The following CARD8 variants were observed in gnomAD, a reference collection of about 807,000 sequenced individuals.
CARD8 encodes the protein caspase recruitment domain-containing protein 8.
Under a neutral mutation model 53.2 loss-of-function variants are expected in CARD8, and 38 were observed. The observed-to-expected ratio is 0.71, with a 90% CI of 0.55 to 0.94. CARD8 has a LOEUF of 0.94. CARD8 is among the 40% of genes least tolerant of loss of function. The pLI, the probability that CARD8 is intolerant of heterozygous loss-of-function variation, is 0.00. For synonymous variants in CARD8, 245 were observed against 244.9 expected (o/e 1.00, Z 0.00); for missense variants, 561 against 655.5 (o/e 0.86, Z 1.57).
intron 3 of CARD8, among the ~76,000 whole-genome samples, chr19:48,245,334 C>T (rs2045933353): frequency 6.6e-6 from 1 of 152,126 alleles, no homozygotes; most frequent in Admixed American, 6.5e-5. Context: ...CTTAGCCTCC[C>T]AAGTAGCTGC....
intron 5 of CARD8, among the ~76,000 whole-genome samples, chr19:48,235,109 T>C (rs2043640452): frequency 6.6e-6 from 1 of 152,196 alleles, no homozygotes; most frequent in Non-Finnish European, 1.5e-5. Context: ...AAGAAAATTA[T>C]GGATATTGTA....
chr19:48,210,659 C>A lies in CARD8; in HGVS notation c.*1051G>T, dbSNP rs1328526486. On this transcript the variant is annotated 3_prime_UTR_variant, in exon 14 of 14. Coordinates refer to ENST00000651546, the MANE Select transcript of CARD8 (RefSeq NM_001184900.3). Reference sequence around the variant, plus strand: ...AGTAGAATAGAAAAGACATAACAAACTGGCTGACTGAGGATAAATCCTAAC... The same window carrying A: ...AGTAGAATAGAAAAGACATAACAAAATGGCTGACTGAGGATAAATCCTAAC... 1 of 152,050 alleles carries A rather than the reference C, an allele frequency of 6.6e-6. No homozygotes were observed. The allele number at this position is 152,050 out of a possible 1,614,324, so 9.4% of individuals were successfully genotyped here.
At chr19:48,232,942 T>G (rs1600444803) in intron 6 of CARD8, 1 of 372,702 alleles carries the variant, frequency 2.7e-6, no homozygotes, top group African/African-American at 2.1e-5. Context: ...ACAGCCAGAT[T>G]CTCTGGCTTA....
At chr19:48,215,671 A>T (rs1010808678) in intron 12 of CARD8, among the ~76,000 whole-genome samples, 2 of 152,244 alleles carry the variant, frequency 1.3e-5, no homozygotes, top group Non-Finnish European at 2.9e-5. Flanking sequence ...ACAGTGCTAC[A>T]TAAATTACAG....
At chr19:48,232,170 A>G (rs1005000969) in intron 7 of CARD8, 8 of 563,868 alleles carry the variant, frequency 1.4e-5, no homozygotes, top group African/African-American at 5.6e-5. Context: ...TCAGAAAAGT[A>G]TCGAACTCCA....
Position 48,230,647 on chromosome 19 carries a change from T to G in CARD8, c.826A>C (p.Met276Leu), listed in dbSNP as rs754710410. Residue 276 changes from methionine (M) to leucine (L), a missense_variant, in exon 10 of 14, where the codon ATG (methionine) becomes CTG (leucine). Met to Leu is a conservative substitution (Grantham distance 15, BLOSUM62 2). Coordinates refer to ENST00000651546, the MANE Select transcript of CARD8 (RefSeq NM_001184900.3). ...ACCCGGGCTGGATGCTCCAGGACCATCCCTTCATTCTTAAAATGGGCAACG... is the reference window on the plus strand; with the variant it reads ...ACCCGGGCTGGATGCTCCAGGACCAGCCCTTCATTCTTAAAATGGGCAACG... ...FLVAHFKNEGMVLEHPARVEP... is the reference protein window; with the variant it reads ...FLVAHFKNEGLVLEHPARVEP... The G allele has an allele frequency of 1.2e-5, 20 of 1,613,842 alleles. No individual in the cohort carries two copies. Among genetic ancestry groups the G allele is most frequent in the Non-Finnish European group, 1.6e-5 (19 of 1,179,978 alleles).
intron 10 of CARD8, among the ~76,000 whole-genome samples, chr19:48,224,132 T>C (rs2041265421): frequency 6.6e-6 from 1 of 152,222 alleles, no homozygotes; most frequent in Non-Finnish European, 1.5e-5. Context: ...CGGCTAATTT[T>C]TGTATTTTTA....
At chr19:48,241,976 C>T (rs537205956) in intron 3 of CARD8, among the ~76,000 whole-genome samples, 52 of 152,204 alleles carry the variant, frequency 3.4e-4, no homozygotes, top group African/African-American at 8.7e-4. Context: ...ACTCATTAAG[C>T]GGCACTCCCC....
intron 5 of CARD8, among the ~76,000 whole-genome samples, chr19:48,236,569 C>T (rs1398262270): frequency 3.3e-5 from 5 of 152,148 alleles, no homozygotes; most frequent in Non-Finnish European, 5.9e-5. Context: ...CCATGGTCCC[C>T]GGCGTGCAGC....
chr19:48,237,495 T>C (rs903674011), intron 5 of CARD8, among the ~76,000 whole-genome samples: 8 of 152,034 alleles, frequency 5.3e-5, no homozygotes, highest in African/African-American at 1.9e-4. Flanking sequence ...CATATCGCTA[T>C]TGTTACAGGA....
downstream of CARD8, among the ~76,000 whole-genome samples, chr19:48,204,984 A>G (rs2037290637): frequency 6.6e-6 from 1 of 152,232 alleles, no homozygotes; most frequent in Non-Finnish European, 1.5e-5. Flanking sequence ...ATTCAAATTT[A>G]GCTGGGCATC....
chr19:48,227,935 C>T (rs1202396616), intron 10 of CARD8, among the ~76,000 whole-genome samples: 2 of 151,888 alleles, frequency 1.3e-5, no homozygotes, highest in East Asian at 1.9e-4. Flanking sequence ...TGTTAGGAAT[C>T]GGGCTGCACA....
intron 10 of CARD8, 100 bp downstream of exon 10, chr19:48,230,338 T>C (rs560990777): frequency 2.3e-6 from 3 of 1,323,370 alleles, no homozygotes; most frequent in South Asian, 2.9e-5. Context: ...ATGAAAACCA[T>C]GCCTTGCCCT....
At chr19:48,206,632 A>G (rs554702672), downstream of CARD8, 22 of 401,274 alleles carry the variant, frequency 5.5e-5, no homozygotes, top group South Asian at 3.9e-4. Flanking sequence ...GGGTGTTACC[A>G]AATTCTTTTA....
rs777557240 is a variant in CARD8 at position 48,231,726 on chromosome 19, C to T, written c.476G>A (p.Arg159His). The T allele has an allele frequency of 1.6e-5, 26 of 1,613,416 alleles. No homozygotes were observed. Among genetic ancestry groups the T allele is most frequent in the South Asian group, 3.3e-5 (3 of 91,034 alleles). ...CFEIEEDYKN[R>H]QFLGPEGNVD... ...ATTTCCTTCAGGCCCCAGAAACTGA[C>T]GATTTTTATAATCTTCTTCGATCTC... Residue 159 changes from arginine to histidine, a missense_variant, in exon 8 of 14, where the codon CGT becomes CAT. Transcript: ENST00000651546.
At chr19:48,220,601 T>C (rs1476412002) in intron 11 of CARD8, among the ~76,000 whole-genome samples, 1 of 152,146 alleles carries the variant, frequency 6.6e-6, no homozygotes, top group Non-Finnish European at 1.5e-5. Flanking sequence ...AGAGAACATA[T>C]GCTGTGAGAC....
At position 48,238,275 on chromosome 19, in the gene CARD8, AT is replaced by A. The variant is rs781656706; in HGVS notation, c.209+107del. 1.1e-5 allele frequency: 16 copies of A among 1,430,438 alleles called. No homozygotes were observed. The South Asian group carries it at 2.4e-4, about 21-fold the overall frequency. 88.6% of individuals were successfully genotyped at this position (1,430,438 alleles called of 1,614,324 possible). Reference sequence around the variant, plus strand: ...AAGAAGAAAAGTAACATATATACTAATTTTTATGCAAATAACCTGCATGTCT... The same window carrying A: ...AAGAAGAAAAGTAACATATATACTAATTTTATGCAAATAACCTGCATGTCT... On this transcript the variant is annotated intron_variant, in intron 5 of 13. Transcript: ENST00000651546.
intron 13 of CARD8, among the ~76,000 whole-genome samples, chr19:48,213,414 C>T (rs1312581885): frequency 6.6e-6 from 1 of 151,996 alleles, no homozygotes. Flanking sequence ...TCACTCTTGT[C>T]CCCAGGCTGG....
At chr19:48,243,180 T>C (rs1371055082) in intron 3 of CARD8, among the ~76,000 whole-genome samples, 1 of 152,050 alleles carries the variant, frequency 6.6e-6, no homozygotes, top group Non-Finnish European at 1.5e-5. Flanking sequence ...GCCTGGCTAA[T>C]TTTTTTGTAT....
Sources: allele counts gnomAD v4.1 joint callset (sites outside exome capture counted in the v4.1 genomes callset), GRCh38; gene constraint gnomAD v4.1.1; transcripts MANE v1.5; gene names NCBI Gene and HGNC (gene_info 2026-07-23, HGNC 2026-07-21).